The following FDX1 variants were observed in gnomAD, a reference collection of about 807,000 sequenced individuals.
FDX1 encodes adrenodoxin, mitochondrial.
Under a neutral mutation model 14.9 loss-of-function variants are expected in FDX1, and 9 were observed. The ratio of observed to expected loss-of-function variants is 0.60; its 90% confidence interval spans 0.36 to 1.05. The LOEUF (loss-of-function observed/expected upper bound fraction) is 1.05, where lower values mean the gene tolerates loss of function less well. FDX1 is among the 50% of genes least tolerant of loss of function. FDX1 has a pLI of 0.01. For missense variants in FDX1, 204 were observed against 237.2 expected (o/e 0.86, Z 0.92); for synonymous variants, 92 against 99.4 (o/e 0.93, Z 0.44).
In FDX1 at chr11:110,430,107, C is replaced by A; in HGVS notation, c.-14C>A. On this transcript the variant is annotated 5_prime_UTR_variant, in exon 1 of 4. Coordinates refer to ENST00000260270, the MANE Select transcript of FDX1 (RefSeq NM_004109.5). ...GCGGCCTGCGTCGCTTCCGGCAGTT[C>A]CCGACCGCGGGCGATGGCTGCCGCT... 1 of 1,230,488 alleles carries A rather than the reference C, an allele frequency of 8.1e-7. No individual in the cohort carries two copies. The highest frequency in any genetic ancestry group is 3.6e-5 in the South Asian group (1 of 27,794). 76.2% of individuals were successfully genotyped at this position (1,230,488 alleles called of 1,614,324 possible). A position where few individuals can be genotyped will look rare whatever the true frequency, so the allele number is the denominator to read the frequency against.
At chr11:110,437,899 TTC>T in intron 2 of FDX1, among the ~76,000 whole-genome samples, 1 of 152,320 alleles carries the variant, frequency 6.6e-6, no homozygotes, top group African/African-American at 2.4e-5. Flanking sequence ...GCTTTTCTGG[TTC>T]TGTGTTAATT....
chr11:110,434,402 T>G (rs1946353601), intron 1 of FDX1, among the ~76,000 whole-genome samples: 1 of 149,928 alleles, frequency 6.7e-6, no homozygotes, highest in Non-Finnish European at 1.5e-5. Flanking sequence ...AGTGGTTTGA[T>G]CTCGGCTCAC....
At chr11:110,444,440 G>T (rs1246209838) in intron 2 of FDX1, among the ~76,000 whole-genome samples, 1 of 151,130 alleles carries the variant, frequency 6.6e-6, no homozygotes, top group Admixed American at 6.6e-5. Flanking sequence ...ACATGGTGAA[G>T]CCCCATCTCT....
At chr11:110,429,707 G>C (rs185239707), upstream of FDX1, among the ~76,000 whole-genome samples, 101 of 152,254 alleles carry the variant, frequency 6.6e-4, no homozygotes, top group Middle Eastern at 6.8e-3. Context: ...GGGGTATGCG[G>C]AACAGAACAC....
chr11:110,438,718 C>T lies in FDX1; in HGVS notation c.310+2760C>T, dbSNP rs572273833. 2.6e-3 allele frequency among the ~76,000 whole-genome samples: 391 copies of T among 152,194 alleles called. 3 individuals are homozygous for T. Among genetic ancestry groups the T allele is most frequent in the African/African-American group, 8.2e-3 (339 of 41,526 alleles). On this transcript the variant is annotated intron_variant, in intron 2 of 3. Transcript: ENST00000260270. ...CTGACCTCAAGTGATCTGCCTACTT[C>T]GGCCTCCCAAAGTGCTGGGATTACA...
chr11:110,446,408 G>A (rs771514475), intron 2 of FDX1, among the ~76,000 whole-genome samples: 3 of 152,136 alleles, frequency 2.0e-5, no homozygotes, highest in Non-Finnish European at 2.9e-5. Context: ...GATCTCATCC[G>A]TTCTGTGACC....
intron 2 of FDX1, among the ~76,000 whole-genome samples, chr11:110,444,036 T>G (rs1036058343): frequency 4.6e-5 from 7 of 152,192 alleles, no homozygotes; most frequent in Admixed American, 2.6e-4. Context: ...GTTGATAGTT[T>G]TTTTTGCTGT....
At chr11:110,430,824 C>T (rs1464288202) in intron 1 of FDX1, among the ~76,000 whole-genome samples, 2 of 152,170 alleles carry the variant, frequency 1.3e-5, no homozygotes, top group Admixed American at 6.5e-5. Context: ...ACACCCAGCC[C>T]ATACCCTCTG....
chr11:110,438,807 TGATCTGTTTAA>T (rs774127476), intron 2 of FDX1, among the ~76,000 whole-genome samples: 7 of 152,116 alleles, frequency 4.6e-5, no homozygotes, highest in Non-Finnish European at 4.4e-5. Flanking sequence ...TTTTGCTTGT[TGATCTGTTTAA>T]GTTCCCTATT....
At chr11:110,439,914 A>T (rs1295974205) in intron 2 of FDX1, among the ~76,000 whole-genome samples, 1 of 152,144 alleles carries the variant, frequency 6.6e-6, no homozygotes, top group Non-Finnish European at 1.5e-5. Context: ...CAATCCCAGC[A>T]CTGTTTACTG....
In FDX1 at chr11:110,429,974, A is replaced by G; in HGVS notation, c.-147A>G. 1 of 450,490 alleles carries G rather than the reference A, an allele frequency of 2.2e-6. No homozygotes were observed. The highest frequency in any genetic ancestry group is 3.5e-6 in the Non-Finnish European group (1 of 287,026). 27.9% of individuals were successfully genotyped at this position (450,490 alleles called of 1,614,324 possible). Reference sequence around the variant, plus strand: ...CGCGGAACCTCGGCGCGGTGCTTCCAGCAGGGTCTCTCCGCCACTCCAGCC... The same window carrying G: ...CGCGGAACCTCGGCGCGGTGCTTCCGGCAGGGTCTCTCCGCCACTCCAGCC... On this transcript the variant is annotated 5_prime_UTR_variant, in exon 1 of 4. Transcript: ENST00000260270.
chr11:110,444,902 C>A (rs576619410), intron 2 of FDX1, among the ~76,000 whole-genome samples: 1 of 151,252 alleles, frequency 6.6e-6, no homozygotes, highest in Non-Finnish European at 1.5e-5. Flanking sequence ...ACGACCGACC[C>A]GCCCTGAATC....
At chr11:110,432,048 G>A (rs1591245185) in intron 1 of FDX1, among the ~76,000 whole-genome samples, 1 of 152,214 alleles carries the variant, frequency 6.6e-6, no homozygotes, top group Non-Finnish European at 1.5e-5. Context: ...CATGTGGCTA[G>A]TGGCTACTGT....
At chr11:110,458,168 C>A (rs1485163988) in intron 3 of FDX1, among the ~76,000 whole-genome samples, 1 of 152,046 alleles carries the variant, frequency 6.6e-6, no homozygotes, top group African/African-American at 2.4e-5. Flanking sequence ...TATACAGTTA[C>A]AATTTGTAGA....
intron 2 of FDX1, among the ~76,000 whole-genome samples, chr11:110,453,214 G>A (rs1372070973): frequency 6.6e-6 from 1 of 152,148 alleles, no homozygotes; most frequent in African/African-American, 2.4e-5. Context: ...GCTCATGCCT[G>A]TAATCTCAGC....
intron 2 of FDX1, among the ~76,000 whole-genome samples, chr11:110,447,289 A>C (rs3951273): frequency 4.7e-4 from 36 of 77,034 alleles, no homozygotes; most frequent in African/African-American, 1.2e-3. Context: ...AAAAAAAAAA[A>C]AAAAAAAAAA....
chr11:110,454,526 A>G (rs1946509572), intron 2 of FDX1, among the ~76,000 whole-genome samples: 1 of 152,250 alleles, frequency 6.6e-6, no homozygotes, highest in African/African-American at 2.4e-5. Context: ...AGTCAAAGTC[A>G]TAACTCATCT....
intron 2 of FDX1, among the ~76,000 whole-genome samples, chr11:110,453,201 G>A (rs1946497582): frequency 1.3e-5 from 2 of 152,296 alleles, no homozygotes; most frequent in South Asian, 4.1e-4. Flanking sequence ...GCCAGGCATG[G>A]TGGCTCATGC....
At chr11:110,459,261 G>A (rs1565385705) in intron 3 of FDX1, among the ~76,000 whole-genome samples, 1 of 152,234 alleles carries the variant, frequency 6.6e-6, no homozygotes, top group East Asian at 1.9e-4. Flanking sequence ...ATTGCTGTGT[G>A]GAGTTAATGA....
Sources: gnomAD v4.1 joint callset for allele counts (sites outside exome capture counted in the v4.1 genomes callset) on GRCh38, gnomAD v4.1.1 for gene constraint, MANE v1.5 for transcripts, NCBI Gene and HGNC (gene_info 2026-07-23, HGNC 2026-07-21) for gene names.